The following SNAP47 variants were observed in gnomAD, a reference collection of about 807,000 sequenced individuals.
SNAP47 encodes synaptosomal-associated protein 47.
In SNAP47, 20 loss-of-function variants were observed where a neutral mutation model predicts 31.4. The ratio of observed to expected loss-of-function variants is 0.64; its 90% CI spans 0.45 to 0.93. The LOEUF is 0.93. Among genes scored for constraint, SNAP47 ranks in the 40% least tolerant of loss-of-function variants. The pLI, the probability that SNAP47 is intolerant of heterozygous loss-of-function variation, is 0.00. For synonymous variants in SNAP47, 194 were observed against 213.4 expected (o/e 0.91, Z 0.79); for missense variants, 492 against 528.5 (o/e 0.93, Z 0.68).
At chr1:227,732,909 G>A (rs1039168264), upstream of SNAP47, 1 of 1,612,840 alleles carries the variant, frequency 6.2e-7, no homozygotes, top group Admixed American at 1.7e-5. Context: ...GTCGGGCATG[G>A]AGTCCCTCCA....
intron 4 of SNAP47, chr1:227,776,587 A>G: frequency 3.0e-6 from 3 of 985,490 alleles, no homozygotes; most frequent in Non-Finnish European, 2.4e-6. Context: ...AACTGTTTCT[A>G]GGGTTTGGCC....
At chr1:227,761,871 C>T (rs1038939701) in intron 3 of SNAP47, among the ~76,000 whole-genome samples, 23 of 152,124 alleles carry the variant, frequency 1.5e-4, no homozygotes, top group Admixed American at 1.4e-3. Flanking sequence ...TCCTGTGTTC[C>T]GCAGGCTGGT....
At chr1:227,767,580 C>T (rs973136481) in intron 4 of SNAP47, among the ~76,000 whole-genome samples, 2 of 152,010 alleles carry the variant, frequency 1.3e-5, no homozygotes, top group Non-Finnish European at 2.9e-5. Context: ...TGTGTATGCA[C>T]ATGTGTGTGC....
At chr1:227,736,686 G>GTTT (rs112159513) in intron 1 of SNAP47, among the ~76,000 whole-genome samples, 14 of 110,924 alleles carry the variant, frequency 1.3e-4, no homozygotes, top group Admixed American at 1.9e-4. Context: ...TTTTGTTTTT[G>GTTT]TTTTTTTTTT....
intron 2 of SNAP47, among the ~76,000 whole-genome samples, chr1:227,758,551 G>A (rs1425456668): frequency 6.6e-6 from 1 of 152,210 alleles, no homozygotes; most frequent in African/African-American, 2.4e-5. Flanking sequence ...GGGGGAAGGG[G>A]CCTGCTAGGC....
At chr1:227,746,259 G>C (rs991485211) in intron 1 of SNAP47, 1 of 152,296 alleles carries the variant, frequency 6.6e-6, no homozygotes, top group Non-Finnish European at 1.5e-5. Flanking sequence ...TGTGGGAGAA[G>C]GTGGGTGGGG....
upstream of SNAP47, chr1:227,732,931 C>T: frequency 6.2e-7 from 1 of 1,613,154 alleles, no homozygotes; most frequent in Non-Finnish European, 8.5e-7. Context: ...TCGCTGACCT[C>T]CTCCTGCACG....
At chr1:227,749,503 G>C (rs1415043572) in intron 2 of SNAP47, among the ~76,000 whole-genome samples, 12 of 152,174 alleles carry the variant, frequency 7.9e-5, no homozygotes, top group African/African-American at 2.9e-4. Flanking sequence ...CTGGGAGGGT[G>C]CTGGTACTCC....
chr1:227,767,382 A>G (rs987222946), intron 4 of SNAP47, among the ~76,000 whole-genome samples: 2 of 152,330 alleles, frequency 1.3e-5, no homozygotes, highest in Non-Finnish European at 2.9e-5. Context: ...GTGTGTGTGC[A>G]CAGGTGTGTA....
rs145005377 is a variant in SNAP47 at position 227,747,798 on chromosome 1, G to A, written c.62G>A (p.Arg21Gln). 1.2e-5 allele frequency: 20 copies of A among 1,614,180 alleles called. No individual in the cohort carries two copies. The highest frequency in any genetic ancestry group is 8.9e-5 in the East Asian group (4 of 44,878). The change falls in exon 2 of 5, where the codon CGA becomes CAA. Residue 21 changes from arginine to glutamine, a missense_variant. Transcript: ENST00000617596. ...ACCTACTACCTGGAGCCCAAGAGGC[G>A]ATGGGTTACTGGACAGCTGTCCTTA... ...PCTYYLEPKR[R>Q]WVTGQLSLTS...
At chr1:227,736,346 G>A (rs2102878383) in intron 1 of SNAP47, 1 of 152,418 alleles carries the variant, frequency 6.6e-6, no homozygotes, top group Middle Eastern at 3.4e-3. Context: ...GCTGAAGTGG[G>A]AGGACATCGG....
At chr1:227,769,157 C>T (rs1027451270) in intron 4 of SNAP47, among the ~76,000 whole-genome samples, 41 of 152,166 alleles carry the variant, frequency 2.7e-4, no homozygotes, top group African/African-American at 8.9e-4. Flanking sequence ...CTGTGTCTCC[C>T]CTGGGGCTGC....
chr1:227,768,591 A>C (rs541671260), intron 4 of SNAP47, among the ~76,000 whole-genome samples: 3 of 152,354 alleles, frequency 2.0e-5, no homozygotes, highest in African/African-American at 7.2e-5. Flanking sequence ...AAGTGGACAC[A>C]GCCTGTCACT....
chr1:227,775,328 C>G (rs541603804), intron 4 of SNAP47, among the ~76,000 whole-genome samples: 7 of 152,220 alleles, frequency 4.6e-5, no homozygotes, highest in South Asian at 2.1e-4. Context: ...TATCCCAGCT[C>G]TGTTCTTAAA....
intron 2 of SNAP47, among the ~76,000 whole-genome samples, chr1:227,753,894 C>T (rs376384512): frequency 1.4e-3 from 213 of 152,174 alleles, no homozygotes; most frequent in Middle Eastern, 0.014. Context: ...TTTACTGCTC[C>T]TGGAGCCCCA....
intron 4 of SNAP47, among the ~76,000 whole-genome samples, chr1:227,767,556 TTG>T (rs755165045): frequency 7.9e-5 from 12 of 151,482 alleles, no homozygotes; most frequent in South Asian, 2.1e-4. Flanking sequence ...CATGTGTGTG[TTG>T]TGTGTGTTGT....
At chr1:227,752,061 G>A (rs758947877) in intron 2 of SNAP47, among the ~76,000 whole-genome samples, 3 of 152,024 alleles carry the variant, frequency 2.0e-5, no homozygotes, top group South Asian at 2.1e-4. Flanking sequence ...CACCGCGCCC[G>A]GCCAAGACTT....
At chr1:227,735,190 G>A, upstream of SNAP47, 1 of 1,581,470 alleles carries the variant, frequency 6.3e-7, no homozygotes, top group African/African-American at 1.4e-5. Context: ...AGGCTACCCG[G>A]CCCGGAGCCT....
Position 227,780,888 on chromosome 1 carries a change from C to A in SNAP47, c.*215C>A. On this transcript the variant is annotated 3_prime_UTR_variant, in exon 5 of 5. Transcript: ENST00000617596. ...GCTGTCCCTGCTGCTGGGCAGGACC[C>A]GGCCACATGTTCTGCGGATGCTGCA... is the stretch of plus-strand genomic sequence containing the variant. 1.6e-6 allele frequency: 1 copy of A among 619,872 alleles called. No individual in the cohort carries two copies. Among genetic ancestry groups the A allele is most frequent in the South Asian group, 2.0e-5 (1 of 50,704 alleles). 38.4% of individuals were successfully genotyped at this position (619,872 alleles called of 1,614,324 possible).
Sources: allele counts gnomAD v4.1 joint callset (sites outside exome capture counted in the v4.1 genomes callset), GRCh38; gene constraint gnomAD v4.1.1; transcripts MANE v1.5; gene names NCBI Gene and HGNC (gene_info 2026-07-23, HGNC 2026-07-21).